The following DMBX1 variants were observed in gnomAD, a reference collection of about 807,000 sequenced individuals.
The protein encoded by DMBX1 is diencephalon/mesencephalon homeobox protein 1.
Under a neutral mutation model 30.4 loss-of-function variants are expected in DMBX1, and 7 were observed. The ratio of observed to expected loss-of-function variants is 0.23; its 90% CI spans 0.13 to 0.43. The LOEUF (loss-of-function observed/expected upper bound fraction) is 0.43, where lower values mean the gene tolerates loss of function less well. Ranked by LOEUF, DMBX1 falls within the 20% of genes least tolerant of loss-of-function variation. DMBX1 has a pLI of 1.00. For synonymous variants in DMBX1, 222 were observed against 214.2 expected (o/e 1.04, Z -0.32); for missense variants, 460 against 508.5 (o/e 0.90, Z 0.92).
intron 2 of DMBX1, among the ~76,000 whole-genome samples, chr1:46,505,785 T>TAA (rs71572613): frequency 7.0e-6 from 1 of 143,456 alleles, no homozygotes; most frequent in Non-Finnish European, 1.5e-5. Context: ...AACTTCTACT[T>TAA]AAAAAAAAAA....
intron 2 of DMBX1, among the ~76,000 whole-genome samples, chr1:46,499,996 G>A (rs567469619): frequency 9.6e-4 from 146 of 152,296 alleles, no homozygotes; most frequent in African/African-American, 3.5e-3. Context: ...TGTCAGAGGC[G>A]ACTTGGGGAA....
intron 2 of DMBX1, among the ~76,000 whole-genome samples, 87 bp downstream of exon 2, chr1:46,490,870 G>A (rs989562046): frequency 6.6e-6 from 1 of 152,224 alleles, no homozygotes; most frequent in African/African-American, 2.4e-5. Flanking sequence ...GGCGAGCTCC[G>A]GCGAGGAACG....
chr1:46,497,896 C>T (rs11211293), intron 2 of DMBX1, among the ~76,000 whole-genome samples: 10,812 of 152,278 alleles, frequency 0.071, 500 homozygotes, highest in East Asian at 0.18. Flanking sequence ...GCGGCCGCGC[C>T]GTGATGGATG....
chr1:46,507,025 G>A lies in DMBX1; in HGVS notation c.15G>A (p.Gly5=). The A allele has an allele frequency of 6.2e-7, 1 of 1,614,210 alleles. No homozygotes were observed. The highest frequency in any genetic ancestry group is 8.5e-7 in the Non-Finnish European group (1 of 1,180,036). ...CGGATGCCGCCATGCAGCACTACGG[G>A]GTGAACGGCTACTCACTGCACGCCA... MQHY[G]VNGYSLHAMN... Residue 5 remains glycine, a synonymous_variant, in exon 3 of 6, where the codon GGG becomes GGA. Transcript: ENST00000360032.
intron 3 of DMBX1, among the ~76,000 whole-genome samples, chr1:46,507,664 A>G (rs1309506136): frequency 1.3e-5 from 2 of 152,206 alleles, no homozygotes; most frequent in Non-Finnish European, 2.9e-5. Context: ...AGAGGTTATT[A>G]TTTCCATTTT....
intron 2 of DMBX1, among the ~76,000 whole-genome samples, chr1:46,492,419 CT>C (rs1665946762): frequency 6.6e-6 from 1 of 152,246 alleles, no homozygotes; most frequent in African/African-American, 2.4e-5. Flanking sequence ...AGTTTCCACC[CT>C]CTCCTGGGCG....
intron 2 of DMBX1, among the ~76,000 whole-genome samples, chr1:46,496,420 A>G (rs1442719924): frequency 6.6e-6 from 1 of 152,190 alleles, no homozygotes; most frequent in African/African-American, 2.4e-5. Flanking sequence ...CCCCATTCCC[A>G]AGCAGGCCAG....
Position 46,512,330 on chromosome 1 carries a change from G to T in DMBX1, c.970G>T (p.Ala324Ser). 1.2e-6 allele frequency: 2 copies of T among 1,613,854 alleles called. No individual in the cohort carries two copies. The highest frequency in any genetic ancestry group is 2.2e-5 in the South Asian group (2 of 91,082). Residue 324 changes from alanine (A) to serine (S), a missense_variant, in exon 6 of 6, where the codon GCT becomes TCT. Coordinates refer to ENST00000360032, the MANE Select transcript of DMBX1 (RefSeq NM_172225.2). The surrounding 1 kb of genome is among the most constrained non-coding windows in gnomAD (Gnocchi z 4.8). Reference protein sequence around the residue: ...SYYQSLSAAAAAHQGVWGSPL... With the variant: ...SYYQSLSAAASAHQGVWGSPL... ...CTACCAGTCCCTGTCAGCAGCCGCT[G>T]CTGCCCACCAGGGTGTGTGGGGGTC... is the stretch of plus-strand genomic sequence containing the variant.
intron 2 of DMBX1, among the ~76,000 whole-genome samples, chr1:46,501,213 C>CCTTCCTTCCTTCCTTCCTTCCTTT (rs1179560561): frequency 1.3e-3 from 99 of 74,438 alleles, no homozygotes; most frequent in East Asian, 3.2e-3. Flanking sequence ...TTCCTTCCTT[C>CCTTCCTTCCTTCCTTCCTTCCTTT]CTTTCTTTCT....
chr1:46,507,139 G>C lies in DMBX1; in HGVS notation c.129G>C (p.Ala43=). 4 of 1,614,186 alleles carry C rather than the reference G, an allele frequency of 2.5e-6. No individual in the cohort carries two copies. Among genetic ancestry groups the C allele is most frequent in the Non-Finnish European group, 3.4e-6 (4 of 1,180,034 alleles). Reference sequence around the variant, plus strand: ...CCGACTACCGGCCTTCAGTGCATGCGCTTACATTGGCTGAGCGCCTGGCTG... The same window carrying C: ...CCGACTACCGGCCTTCAGTGCATGCCCTTACATTGGCTGAGCGCCTGGCTG... ...HAPDYRPSVH[A]LTLAERLADI... is the part of the protein sequence containing the mutation. The change falls in exon 3 of 6, where the codon GCG becomes GCC. Residue 43 remains alanine, a synonymous_variant. Transcript: ENST00000360032.
At chr1:46,494,595 T>C (rs1253195018) in intron 2 of DMBX1, among the ~76,000 whole-genome samples, 1 of 152,076 alleles carries the variant, frequency 6.6e-6, no homozygotes, top group Non-Finnish European at 1.5e-5. Context: ...ACCCTGGAAC[T>C]CTCCCAGTGG....
chr1:46,506,627 C>G (rs1268499038), intron 2 of DMBX1, among the ~76,000 whole-genome samples: 5 of 152,198 alleles, frequency 3.3e-5, no homozygotes, highest in East Asian at 1.9e-4. Flanking sequence ...TTGCAGCAAC[C>G]CTATGAGATA....
chr1:46,494,214 A>C (rs1665985178), intron 2 of DMBX1, among the ~76,000 whole-genome samples: 1 of 152,228 alleles, frequency 6.6e-6, no homozygotes, highest in African/African-American at 2.4e-5. Flanking sequence ...CCTGCTCTCA[A>C]AAGCTGATGG....
Position 46,503,941 on chromosome 1 carries a change from G to A in DMBX1, c.-12-3058G>A, listed in dbSNP as rs12031111. 1.2e-3 allele frequency among the ~76,000 whole-genome samples: 181 copies of A among 152,360 alleles called. 2 individuals are homozygous for A. The East Asian group carries it at 0.031, about 26-fold the overall frequency. On this transcript the variant is annotated intron_variant, in intron 2 of 5. Coordinates refer to ENST00000360032, the MANE Select transcript of DMBX1 (RefSeq NM_172225.2). ...CCGGATGGGACCTTGGCAGCCTCTT[G>A]TTGAGGCTGGAGCCGTCTCAGTAGG...
In DMBX1 at chr1:46,502,826, G is replaced by C. The variant is rs372722798; in HGVS notation, c.-12-4173G>C. Among the ~76,000 whole-genome samples the C allele has an allele frequency of 3.9e-5, 6 of 152,292 alleles. No homozygotes were observed. In the East Asian group the frequency reaches 9.6e-4, roughly 24 times the overall value. ...GCCCCAGAGATTGAGGCTACGGTGAGTCAAGATTGCACCACTGCACTTCAG... is the reference window on the plus strand; with the variant it reads ...GCCCCAGAGATTGAGGCTACGGTGACTCAAGATTGCACCACTGCACTTCAG... On this transcript the variant is annotated intron_variant, in intron 2 of 5. Coordinates refer to ENST00000360032, the MANE Select transcript of DMBX1 (RefSeq NM_172225.2).
Position 46,510,752 on chromosome 1 carries a change from T to C in DMBX1, c.333+98T>C. On this transcript the variant is annotated intron_variant, in intron 4 of 5. Transcript: ENST00000360032. This position sits in a 1 kb window ranked among gnomAD's most constrained non-coding sequence, Gnocchi z 4.1. ...CCAGCATGTCATCCCTGTGCCAAGG[T>C]GCAACTGATCTCTCCATCAAAGCCT... is the stretch of plus-strand genomic sequence containing the variant. 6.9e-7 allele frequency: 1 copy of C among 1,451,094 alleles called. No homozygotes were observed. 89.9% of individuals were successfully genotyped at this position (1,451,094 alleles called of 1,614,324 possible).
chr1:46,512,743 T>G lies in DMBX1; in HGVS notation c.*249T>G. 1 of 510,012 alleles carries G rather than the reference T, an allele frequency of 2.0e-6. No individual in the cohort carries two copies. The highest frequency in any genetic ancestry group is 3.5e-6 in the Non-Finnish European group (1 of 289,528). The allele number at this position is 510,012 out of a possible 1,614,324, so 31.6% of individuals were successfully genotyped here. A position where few individuals can be genotyped will look rare whatever the true frequency, so the allele number is the denominator to read the frequency against. On this transcript the variant is annotated 3_prime_UTR_variant, in exon 6 of 6. Transcript: ENST00000360032. The surrounding 1 kb of genome is among the most constrained non-coding windows in gnomAD (Gnocchi z 4.8). The stretch of plus-strand genomic sequence containing the variant: ...GGTGAGAGGCTGGGGTGCCCCAAGC[T>G]TCCCTCGGAGAAGTGAGAGGCTCTC...
intron 2 of DMBX1, among the ~76,000 whole-genome samples, chr1:46,505,785 TAA>T (rs71572613): frequency 3.4e-4 from 49 of 143,414 alleles, no homozygotes; most frequent in Admixed American, 4.8e-4. Context: ...AACTTCTACT[TAA>T]AAAAAAAAAA....
chr1:46,495,844 G>C (rs1417691066), intron 2 of DMBX1, among the ~76,000 whole-genome samples: 1 of 152,176 alleles, frequency 6.6e-6, no homozygotes, highest in Non-Finnish European at 1.5e-5. Flanking sequence ...TTCCCGGAGT[G>C]GGAGGCAGCC....
Sources: allele counts gnomAD v4.1 joint callset (sites outside exome capture counted in the v4.1 genomes callset), GRCh38; gene constraint gnomAD v4.1.1; non-coding constraint Gnocchi (gnomAD v3.1); transcripts MANE v1.5; gene names NCBI Gene and HGNC (gene_info 2026-07-23, HGNC 2026-07-21).